The following DDRGK1 variants were observed in gnomAD, a reference collection of about 807,000 sequenced individuals.
DDRGK1 encodes the protein DDRGK domain-containing protein 1.
DDRGK1 carries 38 observed loss-of-function variants against 45.8 expected under a neutral mutation model. The ratio of observed to expected loss-of-function variants is 0.83; its 90% CI spans 0.64 to 1.09. The LOEUF is 1.09. DDRGK1 is among the 50% of genes least tolerant of loss of function. The pLI, the probability that DDRGK1 is intolerant of heterozygous loss-of-function variation, is 0.00. For synonymous variants in DDRGK1, 171 were observed against 168.7 expected (o/e 1.01, Z -0.11); for missense variants, 403 against 419.9 (o/e 0.96, Z 0.35).
intron 2 of DDRGK1, among the ~76,000 whole-genome samples, chr20:3,201,155 G>A (rs1188413244): frequency 6.6e-6 from 1 of 151,658 alleles, no homozygotes; most frequent in African/African-American, 2.4e-5. Flanking sequence ...ATGGTGGCGG[G>A]TGCCTGTAGT....
intron 4 of DDRGK1, among the ~76,000 whole-genome samples, chr20:3,197,305 C>A (rs1470175385): frequency 6.6e-6 from 1 of 151,092 alleles, no homozygotes; most frequent in Admixed American, 6.6e-5. Flanking sequence ...AAGAGATTTC[C>A]ATATAATTTA....
Position 3,200,094 on chromosome 20 carries a change from C to A in DDRGK1, c.417G>T (p.Glu139Asp), listed in dbSNP as rs1250018974. 5 of 1,613,476 alleles carry A rather than the reference C, an allele frequency of 3.1e-6. No individual in the cohort carries two copies. Among genetic ancestry groups the A allele is most frequent in the Non-Finnish European group, 3.4e-6 (4 of 1,179,880 alleles). The change falls in exon 4 of 9, where the codon GAG becomes GAT. Residue 139 changes from glutamate to aspartate, a missense_variant. Physicochemically the swap from Glu to Asp is conservative, Grantham distance 45. Transcript: ENST00000354488. ...QARKAQREAE[E>D]AEREERKRLE... Reference sequence around the variant, plus strand: ...GTCGTTTCCGCTCCTCACGTTCAGCCTCCTCTGCCTGGAGAGAGGTCTTCA... The same window carrying A: ...GTCGTTTCCGCTCCTCACGTTCAGCATCCTCTGCCTGGAGAGAGGTCTTCA...
At chr20:3,191,506 G>T in intron 7 of DDRGK1, 1 of 689,472 alleles carries the variant, frequency 1.5e-6, no homozygotes, top group Admixed American at 2.2e-5. Context: ...CATGAGAGTT[G>T]TCAAGGTAAC....
Position 3,200,463 on chromosome 20 carries a change from G to A in DDRGK1, c.296-9C>T. ...ACCTTCCTCCTCCTGGGCTGGGTAT[G>A]GTCAAAGAAAGACAGTTCAGGTTCT... On this transcript the variant is annotated splice_polypyrimidine_tract_variant and intron_variant, in intron 2 of 8. Transcript: ENST00000354488. 6.4e-7 allele frequency: 1 copy of A among 1,561,724 alleles called. No individual in the cohort carries two copies. The highest frequency in any genetic ancestry group is 8.7e-7 in the Non-Finnish European group (1 of 1,152,124).
At chr20:3,195,712 G>A (rs1329798548) in intron 4 of DDRGK1, among the ~76,000 whole-genome samples, 1 of 152,040 alleles carries the variant, frequency 6.6e-6, no homozygotes, top group African/African-American at 2.4e-5. Context: ...ACCCCGTCAT[G>A]TCCACACCTC....
chr20:3,196,817 T>G (rs1000856079), intron 4 of DDRGK1, among the ~76,000 whole-genome samples: 1 of 152,114 alleles, frequency 6.6e-6, no homozygotes, highest in Non-Finnish European at 1.5e-5. Context: ...AGGAGCCAAC[T>G]GAAAGGGCTC....
intron 7 of DDRGK1, 45 bp from the exon 8 acceptor site, chr20:3,191,283 C>T: frequency 6.2e-7 from 1 of 1,605,816 alleles, no homozygotes; most frequent in Middle Eastern, 1.7e-4. Context: ...CACCAATGTC[C>T]CCAGAAAAAG....
chr20:3,203,156 C>T lies in DDRGK1; in HGVS notation c.295+57G>A, dbSNP rs1028177791. ...TACTCCCCCACTTAGCTTTGGGGGC[C>T]CTTTTATCCCCCCCTCCAACCCAAA... On this transcript the variant is annotated intron_variant, in intron 2 of 8. Transcript: ENST00000354488. The T allele has an allele frequency of 6.3e-6, 9 of 1,436,038 alleles. No individual in the cohort carries two copies. In the African/African-American group the frequency reaches 1.1e-4, roughly 18 times the overall value. 89.0% of individuals were successfully genotyped at this position (1,436,038 alleles called of 1,614,324 possible). A position where few individuals can be genotyped will look rare whatever the true frequency, so the allele number is the denominator to read the frequency against.
chr20:3,195,273 C>A lies in DDRGK1; in HGVS notation c.591G>T (p.Val197=). ...EEYLKLKEAF[V]VEEEGVGETM... ...TCTCTCCTACGCCTTCCTCCTCCAC[C>A]ACAAAGGCCTCCTTCAGTTTCAGGT... The change falls in exon 5 of 9, where the codon GTG becomes GTT. Residue 197 remains valine (V), a synonymous_variant. Transcript: ENST00000354488. 4 of 1,613,988 alleles carry A rather than the reference C, an allele frequency of 2.5e-6. No individual in the cohort carries two copies. The highest frequency in any genetic ancestry group is 3.4e-6 in the Non-Finnish European group (4 of 1,179,912).
intron 6 of DDRGK1, among the ~76,000 whole-genome samples, chr20:3,193,700 A>C (rs905843145): frequency 6.6e-6 from 1 of 152,174 alleles, no homozygotes; most frequent in Non-Finnish European, 1.5e-5. Flanking sequence ...GCTCCAAAAG[A>C]GTTTGGAGAA....
intron 5 of DDRGK1, 46 bp from the exon 6 acceptor site, chr20:3,194,914 CAGGGTTCTGTACCCATTCACCCA>C: frequency 6.2e-7 from 1 of 1,607,300 alleles, no homozygotes; most frequent in Non-Finnish European, 8.5e-7. Flanking sequence ...AGCAAGCCCA[CAGGGTTCTGTACCCATTCACCCA>C]AGTACCACCT....
In DDRGK1 at chr20:3,203,267, G is replaced by A. The variant is rs2067049332; in HGVS notation, c.241C>T (p.Gln81Ter). ...TCTGCTTCTGCCCAGGCCACCCGCTGGGCTCGACGCTGGGCCTGTAGGCGG... is the reference window on the plus strand; with the variant it reads ...TCTGCTTCTGCCCAGGCCACCCGCTAGGCTCGACGCTGGGCCTGTAGGCGG... ...GSRLQAQRRAQRVAWAEADEN... is the reference protein window; with the variant it reads ...GSRLQAQRRA The change falls in exon 2 of 9, where the codon CAG (glutamine) becomes TAG (stop). Residue 81 changes from glutamine to a stop codon, truncating the protein, a stop_gained. Transcript: ENST00000354488. LOFTEE classifies it high-confidence loss of function. 1.2e-6 allele frequency: 2 copies of A among 1,606,638 alleles called. No homozygotes were observed. Among genetic ancestry groups the A allele is most frequent in the Non-Finnish European group, 1.7e-6 (2 of 1,175,856 alleles).
At chr20:3,198,225 G>A (rs2067020223) in intron 4 of DDRGK1, among the ~76,000 whole-genome samples, 2 of 151,276 alleles carry the variant, frequency 1.3e-5, no homozygotes, top group African/African-American at 4.9e-5. Context: ...GGCCAACATG[G>A]TGAAACCCTC....
At chr20:3,191,474 A>ACACAGGCTC in intron 7 of DDRGK1, 2 of 662,844 alleles carry the variant, frequency 3.0e-6, no homozygotes, top group Non-Finnish European at 5.4e-6. Context: ...GATGTTTGCA[A>ACACAGGCTC]CACAGGCTGG....
In DDRGK1 at chr20:3,203,171, T is replaced by G. The variant is rs751659557; in HGVS notation, c.295+42A>C. On this transcript the variant is annotated intron_variant, in intron 2 of 8. Coordinates refer to ENST00000354488, the MANE Select transcript of DDRGK1 (RefSeq NM_023935.3). ...CTTTGGGGGCCCTTTTATCCCCCCC[T>G]CCAACCCAAACCCTCTCCCCACCAG... 4.1e-6 allele frequency: 6 copies of G among 1,477,980 alleles called. No individual in the cohort carries two copies. The East Asian group carries it at 1.2e-4, about 30-fold the overall frequency. 91.6% of individuals were successfully genotyped at this position (1,477,980 alleles called of 1,614,324 possible).
chr20:3,203,665 C>T (rs1160596538), intron 1 of DDRGK1, among the ~76,000 whole-genome samples: 8 of 152,274 alleles, frequency 5.3e-5, no homozygotes, highest in Non-Finnish European at 1.0e-4. Flanking sequence ...ACCTTTCCAG[C>T]TGGCCTGTCA....
intron 4 of DDRGK1, among the ~76,000 whole-genome samples, chr20:3,196,763 A>T (rs2067012725): frequency 6.6e-6 from 1 of 152,128 alleles, no homozygotes; most frequent in Non-Finnish European, 1.5e-5. Context: ...AGTGCCAGAA[A>T]CTAAGTGCTC....
chr20:3,201,960 C>T (rs1321486472), intron 2 of DDRGK1, among the ~76,000 whole-genome samples: 12 of 147,876 alleles, frequency 8.1e-5, no homozygotes, highest in Admixed American at 7.5e-4. Context: ...CCATGCCCAG[C>T]CCAGAGAGGG....
chr20:3,200,405 C>T lies in DDRGK1; in HGVS notation c.345G>A (p.Gly115=). The T allele has an allele frequency of 6.3e-7, 1 of 1,584,658 alleles. No homozygotes were observed. Among genetic ancestry groups the T allele is most frequent in the Non-Finnish European group, 8.6e-7 (1 of 1,165,028 alleles). The change falls in exon 3 of 9, where the codon GGG becomes GGA. Residue 115 remains glycine (G), a synonymous_variant. Transcript: ENST00000354488. ...VEKPAETHLS[G]KIGAKKLRKL... is the part of the protein sequence containing the mutation. Reference sequence around the variant, plus strand: ...TCCGCAGTTTCTTAGCTCCAATTTTCCCCGACAGGTGAGTTTCCGCTGGCT... The same window carrying T: ...TCCGCAGTTTCTTAGCTCCAATTTTTCCCGACAGGTGAGTTTCCGCTGGCT...
Sources: allele counts gnomAD v4.1 joint callset (sites outside exome capture counted in the v4.1 genomes callset), GRCh38; gene constraint gnomAD v4.1.1; transcripts MANE v1.5; gene names NCBI Gene and HGNC (gene_info 2026-07-23, HGNC 2026-07-21).